PIK3C2G: variants seen among roughly 807,000 people sequenced by gnomAD.
The protein encoded by PIK3C2G is phosphatidylinositol 3-kinase C2 domain-containing subunit gamma.
PIK3C2G carries 168 observed loss-of-function variants against 181.1 expected under a neutral mutation model. The observed-to-expected ratio is 0.93, with a 90% CI of 0.82 to 1.05. The LOEUF is 1.05. PIK3C2G is among the 50% of genes least tolerant of loss of function. The pLI, the probability that PIK3C2G is intolerant of heterozygous loss-of-function variation, is 0.00. For missense variants in PIK3C2G, 1,869 were observed against 1,732.8 expected (o/e 1.08, Z -1.40); for synonymous variants, 573 against 592.2 (o/e 0.97, Z 0.47).
chr12:18,539,575 C>T (rs1479491639), intron 25 of PIK3C2G, among the ~76,000 whole-genome samples: 2 of 151,842 alleles, frequency 1.3e-5, no homozygotes, highest in Non-Finnish European at 2.9e-5. Context: ...GATCACATTT[C>T]AAGTACTCAG....
chr12:18,687,968 A>G, the PIK3C2G span: 2 of 1,339,516 alleles, frequency 1.5e-6, no homozygotes, highest in South Asian at 1.3e-5. Flanking sequence ...AATTTTGGAC[A>G]TAATGGAAAA....
Position 18,362,052 on chromosome 12 carries a change from G to T in PIK3C2G, c.1626-712G>T, listed in dbSNP as rs552960588. Among the ~76,000 whole-genome samples the T allele has an allele frequency of 1.2e-4, 18 of 152,188 alleles. 1 individual carries two copies. In the South Asian group the frequency reaches 2.5e-3, roughly 21 times the overall value. Reference sequence around the variant, plus strand: ...TCAGTGCTCCAAGACAGACAAGACAGAAACTAGTCCTTCTGATAGTAGCCC... The same window carrying T: ...TCAGTGCTCCAAGACAGACAAGACATAAACTAGTCCTTCTGATAGTAGCCC... On this transcript the variant is annotated intron_variant, in intron 11 of 32. Coordinates refer to ENST00000538779, the MANE Select transcript of PIK3C2G (RefSeq NM_001288772.2).
chr12:18,275,122 G>T (rs1948927622), intron 1 of PIK3C2G, among the ~76,000 whole-genome samples: 1 of 152,136 alleles, frequency 6.6e-6, no homozygotes. Context: ...TAATTTTGAA[G>T]TCAGTTTATG....
intron 18 of PIK3C2G, among the ~76,000 whole-genome samples, chr12:18,482,520 T>C (rs1451551104): frequency 6.6e-6 from 1 of 152,052 alleles, no homozygotes; most frequent in Non-Finnish European, 1.5e-5. Flanking sequence ...CACATATAAT[T>C]ACCTTTTATG....
chr12:18,619,054 A>G (rs944872302), intron 31 of PIK3C2G, among the ~76,000 whole-genome samples: 6 of 151,486 alleles, frequency 4.0e-5, no homozygotes, highest in African/African-American at 1.4e-4. Context: ...GATAGCCAGA[A>G]ACTTAGTGAA....
chr12:18,700,538 A>AAAAAAAAAAAAAAG, the PIK3C2G span, among the ~76,000 whole-genome samples: 3 of 135,914 alleles, frequency 2.2e-5, no homozygotes, highest in Admixed American at 8.1e-5. Flanking sequence ...AAAAAAAAAT[A>AAAAAAAAAAAAAAG]GTTGCTCTGC....
intron 24 of PIK3C2G, among the ~76,000 whole-genome samples, chr12:18,532,162 A>G (rs1943590283): frequency 7.3e-6 from 1 of 136,252 alleles, no homozygotes; most frequent in Non-Finnish European, 1.7e-5. Flanking sequence ...ATGTTTATTT[A>G]CAATCTGCAA....
chr12:18,353,910 AT>A (rs1259168710), intron 11 of PIK3C2G, among the ~76,000 whole-genome samples: 1 of 152,182 alleles, frequency 6.6e-6, no homozygotes, highest in Non-Finnish European at 1.5e-5. Flanking sequence ...TAAATCCTCC[AT>A]TATGCACACC....
At chr12:18,586,116 AC>A (rs1291243845) in intron 29 of PIK3C2G, among the ~76,000 whole-genome samples, 1 of 152,116 alleles carries the variant, frequency 6.6e-6, no homozygotes, top group Non-Finnish European at 1.5e-5. Context: ...CAAATTAACA[AC>A]CTAACATCAC....
chr12:18,587,253 T>A (rs1413755205), intron 29 of PIK3C2G, among the ~76,000 whole-genome samples: 1 of 151,946 alleles, frequency 6.6e-6, no homozygotes, highest in Non-Finnish European at 1.5e-5. Context: ...AATAGGAAGA[T>A]AGGAAGTCAA....
At chr12:18,390,169 G>A (rs538599829) in intron 14 of PIK3C2G, among the ~76,000 whole-genome samples, 1 of 152,134 alleles carries the variant, frequency 6.6e-6, no homozygotes, top group African/African-American at 2.4e-5. Flanking sequence ...AAACGTTAGA[G>A]GTTATAGAAT....
chr12:18,545,801 C>T lies in PIK3C2G; in HGVS notation c.3481-522C>T, dbSNP rs142368400. 5.3e-5 allele frequency among the ~76,000 whole-genome samples: 8 copies of T among 151,974 alleles called. No homozygotes were observed. In the South Asian group the frequency reaches 1.0e-3, roughly 20 times the overall value. On this transcript the variant is annotated intron_variant, in intron 25 of 32. Coordinates refer to ENST00000538779, the MANE Select transcript of PIK3C2G (RefSeq NM_001288772.2). ...CGGTGAGTTTTATACTCTATGTTTG[C>T]ACATCATTTGACCTGGACATATCAC...
chr12:18,497,766 A>T lies in PIK3C2G; in HGVS notation c.3016+18A>T, dbSNP rs775423039. ...AGACCAAGGTCAGTATAGATTAGAAAGTGCGCTGGCTCACATTATTTATTT... is the reference window on the plus strand; with the variant it reads ...AGACCAAGGTCAGTATAGATTAGAATGTGCGCTGGCTCACATTATTTATTT... On this transcript the variant is annotated intron_variant, in intron 22 of 32. Transcript: ENST00000538779. 1.2e-5 allele frequency: 19 copies of T among 1,567,434 alleles called. No homozygotes were observed. Among genetic ancestry groups the T allele is most frequent in the Non-Finnish European group, 1.5e-5 (17 of 1,153,200 alleles).
intron 25 of PIK3C2G, among the ~76,000 whole-genome samples, chr12:18,544,785 C>G (rs1944336530): frequency 6.6e-6 from 1 of 151,846 alleles, no homozygotes; most frequent in African/African-American, 2.4e-5. Context: ...ACTCCCTCAT[C>G]CATCTCCTTG....
At chr12:18,648,720 G>C (rs1256501202), downstream of PIK3C2G, among the ~76,000 whole-genome samples, 1 of 151,978 alleles carries the variant, frequency 6.6e-6, no homozygotes, top group East Asian at 1.9e-4. Flanking sequence ...TCTCCCTTCT[G>C]ATCAAATTTC....
rs1426307503 is a variant in PIK3C2G at position 18,563,367 on chromosome 12, C to T, written c.3781-10C>T. ...CCATCTTTTGATTTCTATCTATTTACTTTCTGCAGCTGTATCTGATCCAGG... is the reference window on the plus strand; with the variant it reads ...CCATCTTTTGATTTCTATCTATTTATTTTCTGCAGCTGTATCTGATCCAGG... On this transcript the variant is annotated splice_polypyrimidine_tract_variant and intron_variant, in intron 27 of 32. Transcript: ENST00000538779. The T allele has an allele frequency of 1.2e-6, 2 of 1,602,878 alleles. No individual in the cohort carries two copies. Among genetic ancestry groups the T allele is most frequent in the South Asian group, 2.2e-5 (2 of 89,546 alleles).
intron 16 of PIK3C2G, among the ~76,000 whole-genome samples, chr12:18,417,622 T>C (rs1336263163): frequency 6.6e-6 from 1 of 152,220 alleles, no homozygotes; most frequent in Non-Finnish European, 1.5e-5. Flanking sequence ...GCTTAGTTTA[T>C]TGTTAGCATT....
chr12:18,471,253 C>T (rs1017775997), intron 18 of PIK3C2G, among the ~76,000 whole-genome samples: 1 of 152,074 alleles, frequency 6.6e-6, no homozygotes, highest in African/African-American at 2.4e-5. Flanking sequence ...CTGCTAGGGA[C>T]CTTAGTCTTC....
chr12:18,490,922 C>T (rs184876096), intron 19 of PIK3C2G, among the ~76,000 whole-genome samples: 12 of 152,222 alleles, frequency 7.9e-5, no homozygotes, highest in African/African-American at 2.4e-4. Flanking sequence ...TCATTGATGT[C>T]CAGTAAACTA....
Sources: gnomAD v4.1 joint callset for allele counts (sites outside exome capture counted in the v4.1 genomes callset) on GRCh38, gnomAD v4.1.1 for gene constraint, MANE v1.5 for transcripts, NCBI Gene and HGNC (gene_info 2026-07-23, HGNC 2026-07-21) for gene names.